Variants in RAD21 observed in about 807,000 individuals in gnomAD.
RAD21 encodes RAD21 cohesin complex component, also known as double-strand-break repair protein rad21 homolog.
Under a neutral mutation model 71.5 loss-of-function variants are expected in RAD21, and 18 were observed. That is an observed-to-expected ratio of 0.25 (90% confidence interval 0.17 to 0.37). The LOEUF (loss-of-function observed/expected upper bound fraction) is 0.37, where lower values mean the gene tolerates loss of function less well. Ranked by LOEUF, RAD21 falls within the 10% of genes least tolerant of loss-of-function variation. The pLI, the probability that RAD21 is intolerant of heterozygous loss-of-function variation, is 1.00. For missense variants in RAD21, 493 were observed against 769.1 expected (o/e 0.64, Z 4.25); for synonymous variants, 248 against 254.0 (o/e 0.98, Z 0.22).
chr8:116,874,213 G>A (rs756315323), intron 1 of RAD21: 3 of 151,560 alleles, frequency 2.0e-5, no homozygotes, highest in Non-Finnish European at 2.9e-5. Context: ...TACCCGCGGA[G>A]TAGGCGGCCC....
intron 9 of RAD21, 99 bp from the exon 10 acceptor site, chr8:116,852,807 A>T: frequency 1.2e-6 from 1 of 852,330 alleles, no homozygotes; most frequent in East Asian, 3.1e-5. Flanking sequence ...TCTAATAAAT[A>T]TAAGTGTATA....
chr8:116,849,049 A>G lies in RAD21; in HGVS notation c.1621-20T>C, dbSNP rs776174116. The G allele has an allele frequency of 6.5e-7, 1 of 1,541,392 alleles. No individual in the cohort carries two copies. On this transcript the variant is annotated intron_variant, in intron 12 of 13. Coordinates refer to ENST00000297338, the MANE Select transcript of RAD21 (RefSeq NM_006265.3). ...TTCATCCTGAATAAAAATGACCCCCAAAAAGCTGACAAAACAAGTCCAATG... is the reference window on the plus strand; with the variant it reads ...TTCATCCTGAATAAAAATGACCCCCGAAAAGCTGACAAAACAAGTCCAATG...
At chr8:116,849,655 T>C (rs1012371779) in intron 12 of RAD21, among the ~76,000 whole-genome samples, 4 of 152,186 alleles carry the variant, frequency 2.6e-5, no homozygotes, top group African/African-American at 9.7e-5. Flanking sequence ...AAGGCAGCAG[T>C]TGTGATGTTC....
chr8:116,847,383 C>CAA lies in RAD21; in HGVS notation c.*115_*116dup, dbSNP rs1266862449. The CAA allele has an allele frequency of 1.1e-6, 1 of 872,202 alleles. No homozygotes were observed. Among genetic ancestry groups the CAA allele is most frequent in the Non-Finnish European group, 1.7e-6 (1 of 594,454 alleles). The allele number at this position is 872,202 out of a possible 1,614,324, so 54.0% of individuals were successfully genotyped here. A position where few individuals can be genotyped will look rare whatever the true frequency, so the allele number is the denominator to read the frequency against. On this transcript the variant is annotated 3_prime_UTR_variant, in exon 14 of 14. Coordinates refer to ENST00000297338, the MANE Select transcript of RAD21 (RefSeq NM_006265.3). ...GGAAAAAAATGAAGAAGGAAAAAGG[C>CAA]AAAGACTTTGTACAGACAAAAATCT...
At chr8:116,865,748 A>C (rs542988021) in intron 2 of RAD21, among the ~76,000 whole-genome samples, 1 of 152,138 alleles carries the variant, frequency 6.6e-6, no homozygotes, top group Non-Finnish European at 1.5e-5. Flanking sequence ...CATGTACACA[A>C]GTTTTCTTTG....
At position 116,856,769 on chromosome 8, in the gene RAD21, C is replaced by A; in HGVS notation, c.691G>T (p.Asp231Tyr). 6.6e-7 allele frequency: 1 copy of A among 1,516,588 alleles called. No homozygotes were observed. The highest frequency in any genetic ancestry group is 1.3e-5 in the South Asian group (1 of 75,222). The allele number at this position is 1,516,588 out of a possible 1,614,324, so 93.9% of individuals were successfully genotyped here. The part of the protein sequence containing the change: ...GEGNDGGILD[D>Y]KLISNNDGGI... ...CCATCATTATTACTAATAAGTTTGTCATCTGAAATAGGGAATGTAAGTTAG... is the reference window on the plus strand; with the variant it reads ...CCATCATTATTACTAATAAGTTTGTAATCTGAAATAGGGAATGTAAGTTAG... The change falls in exon 7 of 14, where the codon GAC becomes TAC. Residue 231 changes from aspartate (D) to tyrosine (Y), a missense_variant and splice_region_variant. Asp to Tyr is a radical substitution (Grantham distance 160, BLOSUM62 -3). Around this residue, in one of 5 missense-constraint regions of RAD21, gnomAD observed 165 missense variants for 229.6 expected, o/e 0.72. Transcript: ENST00000297338.
intron 2 of RAD21, among the ~76,000 whole-genome samples, chr8:116,864,061 A>G (rs1033099207): frequency 6.6e-6 from 1 of 152,084 alleles, no homozygotes; most frequent in Non-Finnish European, 1.5e-5. Context: ...GCTTTTTTTC[A>G]CCAGAAAATA....
At chr8:116,859,001 T>C (rs532490101) in intron 4 of RAD21, among the ~76,000 whole-genome samples, 1 of 140,502 alleles carries the variant, frequency 7.1e-6, no homozygotes, top group Admixed American at 7.3e-5. Flanking sequence ...AAAAAAAAAA[T>C]AGGAGGCGGC....
intron 5 of RAD21, among the ~76,000 whole-genome samples, chr8:116,858,034 T>C (rs1812507195): frequency 6.6e-6 from 1 of 152,194 alleles, no homozygotes; most frequent in African/African-American, 2.4e-5. Context: ...TGTTTTTGAA[T>C]AGCAAGTATA....
chr8:116,861,696 A>G (rs1233105212), intron 4 of RAD21, 145 bp downstream of exon 4: 13 of 449,794 alleles, frequency 2.9e-5, no homozygotes, highest in South Asian at 4.4e-5. Flanking sequence ...TTTATGTTCC[A>G]TATTTATATA....
chr8:116,848,284 T>C (rs1812284560), intron 13 of RAD21, among the ~76,000 whole-genome samples: 1 of 152,218 alleles, frequency 6.6e-6, no homozygotes, highest in African/African-American at 2.4e-5. Flanking sequence ...GGCCAAAGTA[T>C]GTTATGGTAC....
chr8:116,874,576 C>A, intron 1 of RAD21, 35 bp downstream of exon 1: 1 of 322,554 alleles, frequency 3.1e-6, no homozygotes, highest in Non-Finnish European at 6.1e-6. Context: ...GGGGAGGGAG[C>A]TGGAGGAAAA....
At position 116,854,388 on chromosome 8, in the gene RAD21, G is replaced by C; in HGVS notation, c.1018C>G (p.Gln340Glu). 1 of 1,613,536 alleles carries C rather than the reference G, an allele frequency of 6.2e-7. No individual in the cohort carries two copies. Among genetic ancestry groups the C allele is most frequent in the Non-Finnish European group, 8.5e-7 (1 of 1,179,814 alleles). ...KELDSKTIRA[Q>E]LSDYSDIVTT... ...ACAATATCTGAATAATCACTAAGTT[G>C]GGCTCTAATTGTCTTGCTATCCAAC... Residue 340 changes from glutamine (Q) to glutamate (E), a missense_variant, in exon 9 of 14, where the codon CAA becomes GAA. Transcript: ENST00000297338.
chr8:116,870,469 CTTTA>C (rs1261365597), intron 1 of RAD21, among the ~76,000 whole-genome samples: 2 of 152,164 alleles, frequency 1.3e-5, no homozygotes, highest in Non-Finnish European at 2.9e-5. Context: ...CTCAAAGGTG[CTTTA>C]TTTGCCATTT....
At position 116,847,519 on chromosome 8, in the gene RAD21, G is replaced by A. The variant is rs2130449742; in HGVS notation, c.1877C>T (p.Pro626Leu). The A allele has an allele frequency of 6.2e-7, 1 of 1,610,672 alleles. No homozygotes were observed. Among genetic ancestry groups the A allele is most frequent in the Non-Finnish European group, 8.5e-7 (1 of 1,178,846 alleles). The change falls in exon 14 of 14, where the codon CCA becomes CTA. Residue 626 changes from proline to leucine, a missense_variant. Physicochemically the swap from Pro to Leu is moderately conservative, Grantham distance 98. Coordinates refer to ENST00000297338, the MANE Select transcript of RAD21 (RefSeq NM_006265.3). Reference sequence around the variant, plus strand: ...AGCTCCTTATATAATATGGAACCTTGGTCCAGGTGTTGCGATGATGTCACT... The same window carrying A: ...AGCTCCTTATATAATATGGAACCTTAGTCCAGGTGTTGCGATGATGTCACT... Reference protein sequence around the residue: ...PYSDIIATPGPRFHII With the variant: ...PYSDIIATPGLRFHII
At chr8:116,847,803 A>C (rs1013492526) in intron 13 of RAD21, 112 bp from the exon 14 acceptor site, 2 of 1,058,894 alleles carry the variant, frequency 1.9e-6, no homozygotes, top group Non-Finnish European at 2.7e-6. Flanking sequence ...GCTGAAACGT[A>C]ATTTCCCAGT....
intron 5 of RAD21, among the ~76,000 whole-genome samples, 188 bp downstream of exon 5, chr8:116,858,164 A>T (rs1812511109): frequency 6.6e-6 from 1 of 152,206 alleles, no homozygotes; most frequent in African/African-American, 2.4e-5. Context: ...AGAAGTAGGT[A>T]AACAATTAGC....
Position 116,851,961 on chromosome 8 carries a change from T to C in RAD21, c.1457A>G (p.Glu486Gly). The stretch of plus-strand genomic sequence containing the variant: ...TTGCTTACTTACAGGCATCACAGGC[T>C]CTGGGTCAATTTGTCCAGCTTTTCG... ...VKRKAGQIDP[E>G]PVMPPQQVEQ... The change falls in exon 11 of 14, where the codon GAG becomes GGG. Residue 486 changes from glutamate (E) to glycine (G), a missense_variant. Glu to Gly is a moderately conservative substitution (Grantham distance 98). Around this residue, in one of 5 missense-constraint regions of RAD21, gnomAD observed 225 missense variants for 218.3 expected, o/e 1.03. Coordinates refer to ENST00000297338, the MANE Select transcript of RAD21 (RefSeq NM_006265.3). The C allele has an allele frequency of 6.2e-7, 1 of 1,609,274 alleles. No homozygotes were observed. The highest frequency in any genetic ancestry group is 8.5e-7 in the Non-Finnish European group (1 of 1,176,474).
At chr8:116,859,692 T>C (rs1328311708) in intron 4 of RAD21, among the ~76,000 whole-genome samples, 1 of 151,648 alleles carries the variant, frequency 6.6e-6, no homozygotes, top group Non-Finnish European at 1.5e-5. Context: ...TTCTTGGGCC[T>C]CCCTGTTCCT....
Sources: allele counts gnomAD v4.1 joint callset (sites outside exome capture counted in the v4.1 genomes callset), GRCh38; gene constraint gnomAD v4.1.1; regional missense constraint gnomAD v4.1.1; transcripts MANE v1.5; gene names NCBI Gene and HGNC (gene_info 2026-07-23, HGNC 2026-07-21).